The following FOXP1 variants were observed in gnomAD, a reference collection of about 807,000 sequenced individuals.
FOXP1 encodes forkhead box protein P1.
FOXP1 carries 15 observed loss-of-function variants against 98.2 expected under a neutral mutation model. That is an observed-to-expected ratio of 0.15 (90% CI 0.10 to 0.24). The LOEUF (loss-of-function observed/expected upper bound fraction) is 0.24, where lower values mean the gene tolerates loss of function less well. Ranked by LOEUF, FOXP1 falls within the 10% of genes least tolerant of loss-of-function variation. FOXP1 has a pLI of 1.00. For missense variants in FOXP1, 633 were observed against 848.5 expected, an observed-to-expected ratio of 0.75 and a Z score of 3.15; for synonymous variants, 371 against 314.5, an observed-to-expected ratio of 1.18 and a Z score of -1.90.
At chr3:71,063,189 A>G (rs2107297105) in intron 7 of FOXP1, among the ~76,000 whole-genome samples, 1 of 152,354 alleles carries the variant, frequency 6.6e-6, no homozygotes, top group East Asian at 1.9e-4. Context: ...TCATTTTTAC[A>G]CACTTTTCAC....
chr3:71,436,392 C>T (rs540581377), intron 3 of FOXP1, among the ~76,000 whole-genome samples: 4 of 152,194 alleles, frequency 2.6e-5, no homozygotes, highest in African/African-American at 7.2e-5. Context: ...ACTGTGCCGC[C>T]GAACTTGTGG....
chr3:71,245,998 A>ACCCC (rs55660633), intron 5 of FOXP1, among the ~76,000 whole-genome samples: 1 of 132,094 alleles, frequency 7.6e-6, no homozygotes, highest in African/African-American at 2.6e-5. Flanking sequence ...TACGAAAACC[A>ACCCC]CCCCCCCCCC....
At chr3:71,416,921 C>G (rs764732172) in intron 3 of FOXP1, among the ~76,000 whole-genome samples, 19 of 152,006 alleles carry the variant, frequency 1.2e-4, no homozygotes, top group Admixed American at 2.0e-4. Flanking sequence ...AGTGAAGGGA[C>G]CTCGGCCTGG....
chr3:71,172,815 C>T (rs1459456288), intron 6 of FOXP1, among the ~76,000 whole-genome samples: 1 of 152,114 alleles, frequency 6.6e-6, no homozygotes, highest in East Asian at 1.9e-4. Flanking sequence ...AAAGGGCTGC[C>T]CTGCCCACTG....
At chr3:71,184,060 G>A (rs1032592093) in intron 6 of FOXP1, among the ~76,000 whole-genome samples, 19 of 152,158 alleles carry the variant, frequency 1.2e-4, no homozygotes, top group African/African-American at 4.6e-4. Flanking sequence ...GCTGAGGCAG[G>A]AGAATCACTT....
chr3:71,519,392 C>T (rs2042815310), intron 2 of FOXP1, among the ~76,000 whole-genome samples: 1 of 152,200 alleles, frequency 6.6e-6, no homozygotes, highest in Non-Finnish European at 1.5e-5. Flanking sequence ...CATTAGATTT[C>T]ATGTTAAGTC....
chr3:71,263,966 G>T (rs1024446358), intron 5 of FOXP1, among the ~76,000 whole-genome samples: 2 of 150,928 alleles, frequency 1.3e-5, no homozygotes, highest in African/African-American at 4.9e-5. Flanking sequence ...GCCCAGGCTG[G>T]TCTCGAACTC....
chr3:71,094,537 T>C (rs1248672341), intron 7 of FOXP1, among the ~76,000 whole-genome samples: 2 of 152,218 alleles, frequency 1.3e-5, no homozygotes, highest in East Asian at 1.9e-4. Flanking sequence ...TCCTCAGTAC[T>C]ATAGAAACAA....
intron 4 of FOXP1, among the ~76,000 whole-genome samples, chr3:71,348,548 T>TGCGC (rs1553853162): frequency 2.3e-5 from 3 of 132,062 alleles, no homozygotes; most frequent in Admixed American, 7.3e-5. Flanking sequence ...TGTGTGTGTG[T>TGCGC]GCGTGCGCGC....
intron 7 of FOXP1, among the ~76,000 whole-genome samples, chr3:71,087,134 T>C (rs2055201870): frequency 6.6e-6 from 1 of 152,208 alleles, no homozygotes; most frequent in African/African-American, 2.4e-5. Context: ...TTATAGTACC[T>C]TGGATTTCCT....
At chr3:71,109,649 T>C (rs1301430823) in intron 7 of FOXP1, among the ~76,000 whole-genome samples, 1 of 152,206 alleles carries the variant, frequency 6.6e-6, no homozygotes. Context: ...TATGGCAAGA[T>C]ATATTTAAAT....
chr3:71,107,728 G>A (rs2057557930), intron 7 of FOXP1, among the ~76,000 whole-genome samples: 1 of 152,058 alleles, frequency 6.6e-6, no homozygotes, highest in South Asian at 2.1e-4. Flanking sequence ...ACATAAAGTT[G>A]TAGTTTCCTT....
At chr3:71,454,300 T>C (rs1467442397) in intron 3 of FOXP1, among the ~76,000 whole-genome samples, 2 of 152,158 alleles carry the variant, frequency 1.3e-5, no homozygotes, top group African/African-American at 2.4e-5. Flanking sequence ...AGAATCACTG[T>C]GCCTCCACAT....
intron 2 of FOXP1, among the ~76,000 whole-genome samples, chr3:71,526,573 A>C (rs2043397827): frequency 6.6e-6 from 1 of 152,206 alleles, no homozygotes; most frequent in Non-Finnish European, 1.5e-5. Flanking sequence ...TTACATTTTA[A>C]TCAGTGTTTA....
intron 7 of FOXP1, among the ~76,000 whole-genome samples, chr3:71,058,347 C>T (rs1451478327): frequency 1.3e-5 from 2 of 152,040 alleles, no homozygotes; most frequent in African/African-American, 4.8e-5. Flanking sequence ...ATAAAAAATG[C>T]TAAACACTGT....
At chr3:71,235,812 C>T (rs902300732) in intron 5 of FOXP1, among the ~76,000 whole-genome samples, 4 of 152,116 alleles carry the variant, frequency 2.6e-5, no homozygotes, top group Admixed American at 6.5e-5. Flanking sequence ...ATGATCCACC[C>T]GCCTCGGTCT....
At chr3:71,132,216 G>A (rs928238071) in intron 6 of FOXP1, among the ~76,000 whole-genome samples, 15 of 152,204 alleles carry the variant, frequency 9.9e-5, no homozygotes, top group Admixed American at 4.6e-4. Flanking sequence ...TCTCTCAACA[G>A]AAGAGCTATA....
chr3:71,346,789 C>A (rs1213130877), intron 4 of FOXP1, among the ~76,000 whole-genome samples: 2 of 152,004 alleles, frequency 1.3e-5, no homozygotes, highest in Non-Finnish European at 2.9e-5. Flanking sequence ...ACTAAAGCCC[C>A]ATTAAAAAAA....
In FOXP1 at chr3:71,439,122, GT is replaced by G. The variant is rs200250204; in HGVS notation, c.-168+54303del. Among the ~76,000 whole-genome samples the G allele has an allele frequency of 3.6e-3, 545 of 152,370 alleles. 9 individuals carry two copies. The highest frequency in any genetic ancestry group is 0.033 in the Admixed American group (499 of 15,304). On this transcript the variant is annotated intron_variant, in intron 3 of 20. Coordinates refer to ENST00000649528, the MANE Select transcript of FOXP1 (RefSeq NM_001349338.3). The stretch of plus-strand genomic sequence containing the variant: ...TGCAGGTGGCAGACAGGCAGTGAGG[GT>G]GCCAGGCCTTGCCACAGATGCAGAG...
Sources: gnomAD v4.1 joint callset for allele counts (sites outside exome capture counted in the v4.1 genomes callset) on GRCh38, gnomAD v4.1.1 for gene constraint, MANE v1.5 for transcripts, NCBI Gene and HGNC (gene_info 2026-07-23, HGNC 2026-07-21) for gene names.